Variants in AGPAT2 observed in about 807,000 individuals in gnomAD.
AGPAT2 encodes 1-acylglycerol-3-phosphate O-acyltransferase 2, also known as 1-acyl-sn-glycerol-3-phosphate acyltransferase beta.
AGPAT2 carries 18 observed loss-of-function variants against 26.1 expected under a neutral mutation model. That is an observed-to-expected ratio of 0.69 (90% confidence interval 0.48 to 1.02). The LOEUF is 1.02. Ranked by LOEUF, AGPAT2 falls within the 50% of genes least tolerant of loss-of-function variation. The pLI, the probability that AGPAT2 is intolerant of heterozygous loss-of-function variation, is 0.00. For missense variants in AGPAT2, 415 were observed against 394.9 expected (o/e 1.05, Z -0.43); for synonymous variants, 200 against 174.2 (o/e 1.15, Z -1.16).
intron 1 of AGPAT2, among the ~76,000 whole-genome samples, chr9:136,684,771 C>T (rs1846202034): frequency 6.6e-6 from 1 of 152,228 alleles, no homozygotes; most frequent in Non-Finnish European, 1.5e-5. Context: ...GCCCCAGTTT[C>T]AAGTTGCTTA....
Position 136,680,584 on chromosome 9 carries a change from G to A in AGPAT2, c.183-3028C>T, listed in dbSNP as rs141066503. Among the ~76,000 whole-genome samples, 130 of 152,274 alleles carry A rather than the reference G, an allele frequency of 8.5e-4. 1 individual carries two copies. In the East Asian group the frequency reaches 0.022, roughly 26 times the overall value. Reference sequence around the variant, plus strand: ...GGTGATGTAAGATGTTAACAAGGGAGGAAACTGGTGAGGGCCACATGGGGT... The same window carrying A: ...GGTGATGTAAGATGTTAACAAGGGAAGAAACTGGTGAGGGCCACATGGGGT... On this transcript the variant is annotated intron_variant, in intron 1 of 5. Transcript: ENST00000371696.
Position 136,676,982 on chromosome 9 carries a change from G to A in AGPAT2, c.471C>T (p.Gly157=), listed in dbSNP as rs563699749. 20 of 1,498,742 alleles carry A rather than the reference G, an allele frequency of 1.3e-5. No individual in the cohort carries two copies. Among genetic ancestry groups the A allele is most frequent in the African/African-American group, 4.3e-5 (3 of 70,202 alleles). The allele number at this position is 1,498,742 out of a possible 1,614,324, so 92.8% of individuals were successfully genotyped here. A position where few individuals can be genotyped will look rare whatever the true frequency, so the allele number is the denominator to read the frequency against. Residue 157 remains glycine (G), a synonymous_variant, in exon 3 of 6, where the codon GGC becomes GGT. Coordinates refer to ENST00000371696, the MANE Select transcript of AGPAT2 (RefSeq NM_006412.4). The part of the protein sequence containing the change: ...STAMTVMADL[G]ERMVRENLKV... ...TCACGTTCTCCCTGACCATGCGCTCGCCCAGGTCGGCCATCACTGTCATGG... is the reference window on the plus strand; with the variant it reads ...TCACGTTCTCCCTGACCATGCGCTCACCCAGGTCGGCCATCACTGTCATGG...
At chr9:136,684,681 G>A (rs549947910) in intron 1 of AGPAT2, among the ~76,000 whole-genome samples, 74 of 152,318 alleles carry the variant, frequency 4.9e-4, no homozygotes, top group Non-Finnish European at 7.9e-4. Context: ...GGAACAAGGG[G>A]AAAGGGAAAA....
Position 136,677,099 on chromosome 9 carries a change from G to A in AGPAT2, c.354C>T (p.Ile118=), listed in dbSNP as rs762530411. The change falls in exon 3 of 6, where the codon ATC becomes ATT. Residue 118 remains isoleucine (I), a synonymous_variant. Coordinates refer to ENST00000371696, the MANE Select transcript of AGPAT2 (RefSeq NM_006412.4). ...MEVLPERCVQ[I]AKRELLFLGP... is the part of the protein sequence containing the mutation. The stretch of plus-strand genomic sequence containing the variant: ...CCAGGAAGAGCAGCTCCCGCTTGGC[G>A]ATCTGCACGCAGCGCTCCGGAAGGA... 2.0e-5 allele frequency: 33 copies of A among 1,613,054 alleles called. No homozygotes were observed. The highest frequency in any genetic ancestry group is 8.3e-5 in the Admixed American group (5 of 60,012).
intron 1 of AGPAT2, 130 bp from the exon 2 acceptor site, chr9:136,677,686 G>T: frequency 8.8e-7 from 1 of 1,133,984 alleles, no homozygotes; most frequent in Non-Finnish European, 1.3e-6. Flanking sequence ...GAGACCGGGA[G>T]ACACAGGGGA....
rs797045222 is a variant in AGPAT2 at position 136,677,047 on chromosome 9, C to T, written c.406G>A (p.Gly136Arg). The T allele has an allele frequency of 8.1e-6, 13 of 1,613,110 alleles. No individual in the cohort carries two copies. The highest frequency in any genetic ancestry group is 1.1e-5 in the South Asian group (1 of 91,086). The part of the protein sequence containing the change: ...LGPVGLIMYL[G>R]GVFFINRQRS... ...TGCCGGTTGATGAAGAAGACGCCCC[C>T]GAGGTACATGATGAGGCCCACGGGC... Residue 136 changes from glycine to arginine, a missense_variant, in exon 3 of 6, where the codon GGG (glycine) becomes AGG (arginine). Gly to Arg is a moderately radical substitution (Grantham distance 125). Coordinates refer to ENST00000371696, the MANE Select transcript of AGPAT2 (RefSeq NM_006412.4).
At chr9:136,682,967 G>T (rs964121676) in intron 1 of AGPAT2, among the ~76,000 whole-genome samples, 1 of 151,742 alleles carries the variant, frequency 6.6e-6, no homozygotes, top group Non-Finnish European at 1.5e-5. Flanking sequence ...TTGTGGAAGG[G>T]TGTGCAGGCT....
At chr9:136,682,813 C>T (rs538375490) in intron 1 of AGPAT2, among the ~76,000 whole-genome samples, 1 of 152,264 alleles carries the variant, frequency 6.6e-6, no homozygotes, top group Admixed American at 6.5e-5. Flanking sequence ...TCTGCAGGAA[C>T]CCAGCCTCCT....
intron 4 of AGPAT2, among the ~76,000 whole-genome samples, chr9:136,675,160 C>T (rs112932025): frequency 1.3e-5 from 2 of 152,178 alleles, no homozygotes; most frequent in East Asian, 3.8e-4. Context: ...TCCCTGCCCA[C>T]GCCTCTCTCC....
Position 136,687,425 on chromosome 9 carries a change from G to C in AGPAT2, c.-68C>G, listed in dbSNP as rs886063726. 4 of 1,312,774 alleles carry C rather than the reference G, an allele frequency of 3.0e-6. No homozygotes were observed. The African/African-American group carries it at 6.3e-5, about 21-fold the overall frequency. 81.3% of individuals were successfully genotyped at this position (1,312,774 alleles called of 1,614,324 possible). On this transcript the variant is annotated 5_prime_UTR_variant, in exon 1 of 6. Coordinates refer to ENST00000371696, the MANE Select transcript of AGPAT2 (RefSeq NM_006412.4). ...TCCCGCTCCCGCTTCTCCCCCGCGCGCTCAGGCCCCTTATTGCGAGGGCGG... is the reference window on the plus strand; with the variant it reads ...TCCCGCTCCCGCTTCTCCCCCGCGCCCTCAGGCCCCTTATTGCGAGGGCGG...
chr9:136,673,748 T>G lies in AGPAT2; in HGVS notation c.*4A>C, dbSNP rs1275899960. The G allele has an allele frequency of 5.1e-6, 8 of 1,580,912 alleles. No homozygotes were observed. The South Asian group carries it at 9.2e-5, about 18-fold the overall frequency. On this transcript the variant is annotated 3_prime_UTR_variant, in exon 6 of 6. Coordinates refer to ENST00000371696, the MANE Select transcript of AGPAT2 (RefSeq NM_006412.4). Reference sequence around the variant, plus strand: ...CCCCAGGTCATGCCCTGCCGTGGTCTGGGCTACTGGGCCGGCTGCACGCCA... The same window carrying G: ...CCCCAGGTCATGCCCTGCCGTGGTCGGGGCTACTGGGCCGGCTGCACGCCA...
chr9:136,674,792 C>A lies in AGPAT2; in HGVS notation c.604G>T (p.Val202Leu), dbSNP rs372408400. ...AAGGAGGAGAAGGAAGAGTACACCA[C>A]GGGGACGATGGGCACCTGCAGGCAG... ...AVQAQVPIVP[V>L]VYSSFSSFYN... is the part of the protein sequence containing the mutation. Residue 202 changes from valine (V) to leucine (L), a missense_variant, in exon 5 of 6, where the codon GTG becomes TTG. Physicochemically the swap from Val to Leu is conservative, Grantham distance 32 (BLOSUM62 1). Coordinates refer to ENST00000371696, the MANE Select transcript of AGPAT2 (RefSeq NM_006412.4). 1 of 1,545,338 alleles carries A rather than the reference C, an allele frequency of 6.5e-7. No individual in the cohort carries two copies. Among genetic ancestry groups the A allele is most frequent in the Non-Finnish European group, 8.7e-7 (1 of 1,145,250 alleles).
At chr9:136,685,940 G>T (rs1389836843) in intron 1 of AGPAT2, among the ~76,000 whole-genome samples, 1 of 152,232 alleles carries the variant, frequency 6.6e-6, no homozygotes. Flanking sequence ...GGGGACGTCA[G>T]CGCCAGTCAC....
chr9:136,679,465 C>A (rs946336928), intron 1 of AGPAT2, among the ~76,000 whole-genome samples: 1 of 152,238 alleles, frequency 6.6e-6, no homozygotes, highest in African/African-American at 2.4e-5. Context: ...TATCTCCTCT[C>A]CAGGCCGCGC....
intron 5 of AGPAT2, 40 bp downstream of exon 5, chr9:136,674,695 A>T (rs764268337): frequency 7.4e-7 from 1 of 1,351,192 alleles, no homozygotes; most frequent in Non-Finnish European, 9.7e-7. Flanking sequence ...CTGTAGGGTC[A>T]GGCGGGGCCT....
At chr9:136,676,867 G>T in intron 3 of AGPAT2, 94 bp downstream of exon 3, 1 of 1,495,990 alleles carries the variant, frequency 6.7e-7, no homozygotes, top group African/African-American at 1.4e-5. Context: ...TGGGGGTCTT[G>T]TTTTTTCTGC....
intron 1 of AGPAT2, among the ~76,000 whole-genome samples, chr9:136,680,571 T>C (rs1846146888): frequency 6.6e-6 from 1 of 152,092 alleles, no homozygotes; most frequent in Non-Finnish European, 1.5e-5. Context: ...TGATGTAAGA[T>C]GTTAACAAGG....
intron 4 of AGPAT2, among the ~76,000 whole-genome samples, chr9:136,676,224 G>A (rs1846088585): frequency 6.6e-6 from 1 of 152,124 alleles, no homozygotes; most frequent in South Asian, 2.1e-4. Flanking sequence ...ATGCCCTGAA[G>A]CCCACCCCAG....
chr9:136,675,097 G>T (rs1487986884), intron 4 of AGPAT2, among the ~76,000 whole-genome samples: 1 of 152,212 alleles, frequency 6.6e-6, no homozygotes, highest in Non-Finnish European at 1.5e-5. Flanking sequence ...TGGGTCTGCA[G>T]CTAGCCAGGG....
Sources: allele counts gnomAD v4.1 joint callset (sites outside exome capture counted in the v4.1 genomes callset), GRCh38; gene constraint gnomAD v4.1.1; transcripts MANE v1.5; gene names NCBI Gene and HGNC (gene_info 2026-07-23, HGNC 2026-07-21).